Variants in YAF2 observed in about 807,000 individuals in gnomAD.
YAF2 encodes YY1-associated factor 2.
A neutral mutation model predicts 20.1 loss-of-function variants in YAF2; 7 were observed. The ratio of observed to expected loss-of-function variants is 0.35; its 90% CI spans 0.20 to 0.65. The LOEUF (loss-of-function observed/expected upper bound fraction) is 0.65. Among genes scored for constraint, YAF2 ranks in the 30% least tolerant of loss-of-function variants. The probability of loss-of-function intolerance (pLI) is 0.69; values close to 1 mark genes in which losing one functional copy is unlikely to be tolerated. For missense variants in YAF2, 151 were observed against 219.2 expected (o/e 0.69, Z 1.96); for synonymous variants, 74 against 76.0 (o/e 0.97, Z 0.14).
intron 2 of YAF2, among the ~76,000 whole-genome samples, chr12:42,175,734 CTG>C (rs1242427309): frequency 1.2e-4 from 4 of 33,396 alleles, no homozygotes; most frequent in Non-Finnish European, 1.6e-4. Context: ...GAGCAAGACT[CTG>C]TCTCAAAAAA....
At chr12:42,168,875 A>C (rs927227895) in intron 2 of YAF2, among the ~76,000 whole-genome samples, 1 of 152,132 alleles carries the variant, frequency 6.6e-6, no homozygotes, top group Non-Finnish European at 1.5e-5. Flanking sequence ...TAATTTACTA[A>C]GTTTAAAAAC....
chr12:42,227,805 AG>A (rs2067784611), intron 2 of YAF2, among the ~76,000 whole-genome samples: 3 of 138,062 alleles, frequency 2.2e-5, no homozygotes, highest in Non-Finnish European at 4.7e-5. Context: ...TGGGGGGGTC[AG>A]CCCCCCGCCT....
intron 2 of YAF2, among the ~76,000 whole-genome samples, chr12:42,168,907 T>C (rs909266065): frequency 2.6e-5 from 4 of 152,132 alleles, no homozygotes. Context: ...TTTTAAAATG[T>C]TGTAAATATT....
In YAF2 at chr12:42,160,329, C is replaced by T. The variant is rs1256952098; in HGVS notation, c.*260G>A. 7.9e-6 allele frequency: 3 copies of T among 378,268 alleles called. No homozygotes were observed. Among genetic ancestry groups the T allele is most frequent in the Non-Finnish European group, 9.5e-6 (2 of 210,370 alleles). The allele number at this position is 378,268 out of a possible 1,614,324, so 23.4% of individuals were successfully genotyped here. The stretch of plus-strand genomic sequence containing the variant: ...TAAACTAAAAGTGAAAATACACTTA[C>T]CAATAACACTGCATAATGAATAATT... On this transcript the variant is annotated 3_prime_UTR_variant, in exon 4 of 4. Coordinates refer to ENST00000534854, the MANE Select transcript of YAF2 (RefSeq NM_005748.6).
intron 2 of YAF2, among the ~76,000 whole-genome samples, chr12:42,193,035 C>T (rs917910101): frequency 1.3e-5 from 2 of 152,112 alleles, no homozygotes; most frequent in Non-Finnish European, 2.9e-5. Flanking sequence ...ACCTACCGGC[C>T]GGGCACGGTG....
At chr12:42,181,621 C>A (rs1292495126) in intron 2 of YAF2, among the ~76,000 whole-genome samples, 3 of 152,192 alleles carry the variant, frequency 2.0e-5, no homozygotes, top group Admixed American at 2.0e-4. Flanking sequence ...TGATTTTTCA[C>A]AGAAACCCTG....
At chr12:42,160,925 A>G (rs2065786125) in intron 3 of YAF2, 99 bp from the exon 4 acceptor site, 1 of 1,002,784 alleles carries the variant, frequency 1.0e-6, no homozygotes, top group African/African-American at 1.6e-5. Flanking sequence ...CAAAATGAAT[A>G]CATGTATTTA....
intron 2 of YAF2, chr12:42,212,402 T>C (rs1046693715): frequency 2.1e-5 from 9 of 427,960 alleles, no homozygotes; most frequent in African/African-American, 1.6e-4. Flanking sequence ...TAGATACAGA[T>C]ATATTTTAAT....
At chr12:42,235,388 A>G (rs2068116106) in intron 2 of YAF2, 10 of 1,022,744 alleles carry the variant, frequency 9.8e-6, no homozygotes, top group Non-Finnish European at 1.2e-5. Flanking sequence ...GAGGAAAAAT[A>G]TTAATATTCT....
intron 2 of YAF2, among the ~76,000 whole-genome samples, chr12:42,175,740 C>CAAAACAAAAAAAAAAAAAAAAAAAA (rs2066168565): frequency 2.2e-5 from 1 of 45,016 alleles, no homozygotes; most frequent in Non-Finnish European, 4.2e-5. Context: ...GACTCTGTCT[C>CAAAACAAAAAAAAAAAAAAAAAAAA]AAAAAAAAAA....
At chr12:42,224,832 A>G (rs1332219567) in intron 2 of YAF2, among the ~76,000 whole-genome samples, 1 of 152,296 alleles carries the variant, frequency 6.6e-6, no homozygotes, top group Non-Finnish European at 1.5e-5. Context: ...TGCTGCAATA[A>G]ACATACGTGT....
At chr12:42,192,687 G>T (rs73281857) in intron 2 of YAF2, among the ~76,000 whole-genome samples, 1 of 152,188 alleles carries the variant, frequency 6.6e-6, no homozygotes, top group African/African-American at 2.4e-5. Flanking sequence ...TGGTGGCTTA[G>T]GGTAGCTGAC....
rs138716230 is a variant in YAF2, at chr12:42,188,799, C to T, written c.153-27034G>A. Among the ~76,000 whole-genome samples, 1,309 of 152,086 alleles carry T rather than the reference C, an allele frequency of 8.6e-3. 15 individuals carry two copies. Among genetic ancestry groups the T allele is most frequent in the South Asian group, 0.015 (71 of 4,810 alleles). ...AAGTTCACTGTTGAGACGCTATTCACTTCAAAGCTTCTATTACATGCAAGG... is the reference window on the plus strand; with the variant it reads ...AAGTTCACTGTTGAGACGCTATTCATTTCAAAGCTTCTATTACATGCAAGG... On this transcript the variant is annotated intron_variant, in intron 2 of 3. Coordinates refer to ENST00000534854, the MANE Select transcript of YAF2 (RefSeq NM_005748.6).
At chr12:42,171,870 G>T (rs1435933006) in intron 2 of YAF2, among the ~76,000 whole-genome samples, 1 of 152,016 alleles carries the variant, frequency 6.6e-6, no homozygotes, top group African/African-American at 2.4e-5. Context: ...AGGCTGAGAT[G>T]AGAGGATCAC....
intron 2 of YAF2, among the ~76,000 whole-genome samples, chr12:42,172,625 T>A (rs2066078300): frequency 1.3e-5 from 2 of 151,822 alleles, no homozygotes; most frequent in Non-Finnish European, 2.9e-5. Flanking sequence ...TGCACAGGAG[T>A]GAATAAATCA....
chr12:42,204,834 G>A lies in YAF2; in HGVS notation c.152+32765C>T, dbSNP rs183487740. ...ATCAATCCCTCCCAAAACACATGTTGTATAATTCCATTTTATGAACTGTCC... is the reference window on the plus strand; with the variant it reads ...ATCAATCCCTCCCAAAACACATGTTATATAATTCCATTTTATGAACTGTCC... On this transcript the variant is annotated intron_variant, in intron 2 of 3. Transcript: ENST00000534854. Among the ~76,000 whole-genome samples, 424 of 152,236 alleles carry A rather than the reference G, an allele frequency of 2.8e-3. 1 individual carries two copies. Among genetic ancestry groups the A allele is most frequent in the African/African-American group, 9.7e-3 (402 of 41,550 alleles).
intron 2 of YAF2, among the ~76,000 whole-genome samples, chr12:42,171,661 A>G (rs777876339): frequency 1.3e-5 from 2 of 152,148 alleles, no homozygotes; most frequent in Non-Finnish European, 2.9e-5. Context: ...CATTACAAAA[A>G]TCTCATATCT....
chr12:42,230,933 A>G (rs1253314611), intron 2 of YAF2, among the ~76,000 whole-genome samples: 1 of 152,212 alleles, frequency 6.6e-6, no homozygotes, highest in Non-Finnish European at 1.5e-5. Context: ...AGATTGGGCC[A>G]CTGAGTTAAA....
At chr12:42,225,006 G>A (rs367706327) in intron 2 of YAF2, among the ~76,000 whole-genome samples, 6 of 152,240 alleles carry the variant, frequency 3.9e-5, no homozygotes, top group East Asian at 3.9e-4. Flanking sequence ...GTGTAAAAGC[G>A]TTCCTATTTC....
Sources: allele counts gnomAD v4.1 joint callset (sites outside exome capture counted in the v4.1 genomes callset), GRCh38; gene constraint gnomAD v4.1.1; transcripts MANE v1.5; gene names NCBI Gene and HGNC (gene_info 2026-07-23, HGNC 2026-07-21).